Variants in SDK1 observed in about 807,000 individuals in gnomAD.
SDK1 encodes the protein sidekick cell adhesion molecule 1, also known as protein sidekick-1.
Under a neutral mutation model 245.5 loss-of-function variants are expected in SDK1, and 157 were observed. The observed-to-expected ratio is 0.64, with a 90% CI of 0.56 to 0.73. SDK1 has a LOEUF of 0.73. SDK1 is among the 30% of genes least tolerant of loss of function. The pLI is 0.00. For missense variants in SDK1, 3,583 were observed against 3,002.3 expected (o/e 1.19, Z -4.52); for synonymous variants, 1,647 against 1,278.5 (o/e 1.29, Z -6.15).
At chr7:3,373,301 T>C (rs1194132094) in intron 1 of SDK1, among the ~76,000 whole-genome samples, 1 of 152,212 alleles carries the variant, frequency 6.6e-6, no homozygotes, top group East Asian at 1.9e-4. Context: ...TATTGAACAC[T>C]AAGCGAAAGT....
intron 1 of SDK1, among the ~76,000 whole-genome samples, chr7:3,348,797 A>G (rs147737662): frequency 3.3e-5 from 5 of 152,260 alleles, no homozygotes; most frequent in Non-Finnish European, 7.3e-5. Flanking sequence ...AAAAAGTGCC[A>G]AGTACTATGC....
chr7:4,045,725 C>G (rs1788975312), intron 17 of SDK1, among the ~76,000 whole-genome samples: 3 of 152,136 alleles, frequency 2.0e-5, no homozygotes, highest in Admixed American at 2.0e-4. Flanking sequence ...CACTCCACAT[C>G]TTCACGGACA....
At chr7:3,599,301 T>A (rs1222515434) in intron 1 of SDK1, among the ~76,000 whole-genome samples, 1 of 152,142 alleles carries the variant, frequency 6.6e-6, no homozygotes, top group Non-Finnish European at 1.5e-5. Context: ...TATCTTTTGC[T>A]CATTTTCTAT....
chr7:3,842,902 C>T (rs1780193774), intron 5 of SDK1, among the ~76,000 whole-genome samples: 1 of 152,108 alleles, frequency 6.6e-6, no homozygotes, highest in Admixed American at 6.5e-5. Context: ...GCGTTCACCA[C>T]AATGGTCTCT....
intron 43 of SDK1, 85 bp from the exon 44 acceptor site, chr7:4,245,591 T>G: frequency 1.3e-6 from 2 of 1,518,362 alleles, no homozygotes; most frequent in Non-Finnish European, 1.8e-6. Flanking sequence ...TCCAACGCAA[T>G]AAAGGCCAAA....
intron 1 of SDK1, among the ~76,000 whole-genome samples, chr7:3,458,149 A>G (rs1255517152): frequency 6.8e-6 from 1 of 147,972 alleles, no homozygotes; most frequent in Admixed American, 6.7e-5. Flanking sequence ...TTGCATTGAT[A>G]TTCGTTGATG....
At chr7:3,616,240 G>A (rs1781767756) in intron 1 of SDK1, among the ~76,000 whole-genome samples, 1 of 152,066 alleles carries the variant, frequency 6.6e-6, no homozygotes. Flanking sequence ...CATATTGACA[G>A]TACTTTTTAC....
At chr7:4,109,491 C>T (rs940120624) in intron 22 of SDK1, among the ~76,000 whole-genome samples, 4 of 152,240 alleles carry the variant, frequency 2.6e-5, no homozygotes, top group Admixed American at 6.5e-5. Flanking sequence ...GTGTTAAATG[C>T]ACCAGGCCCC....
intron 1 of SDK1, among the ~76,000 whole-genome samples, chr7:3,582,440 C>A (rs1240273402): frequency 6.8e-6 from 1 of 146,702 alleles, no homozygotes; most frequent in Non-Finnish European, 1.5e-5. Context: ...GTAGGTCTGT[C>A]TCAGGTAGGT....
intron 1 of SDK1, among the ~76,000 whole-genome samples, chr7:3,613,026 G>A (rs1300871114): frequency 6.6e-6 from 1 of 152,094 alleles, no homozygotes; most frequent in African/African-American, 2.4e-5. Flanking sequence ...AATAGGTGAT[G>A]ATTATCCTAG....
At chr7:3,998,881 G>A (rs1784871178) in intron 14 of SDK1, among the ~76,000 whole-genome samples, 1 of 152,156 alleles carries the variant, frequency 6.6e-6, no homozygotes, top group South Asian at 2.1e-4. Flanking sequence ...TTTTGCAAGT[G>A]TGCCATCCAT....
chr7:3,387,382 G>A (rs6963043), intron 1 of SDK1, among the ~76,000 whole-genome samples: 12,346 of 152,164 alleles, frequency 0.081, 638 homozygotes, highest in African/African-American at 0.14. Context: ...CCTCCTTGTA[G>A]GAGCTCACCC....
chr7:3,676,535 C>T (rs756492362), intron 4 of SDK1, among the ~76,000 whole-genome samples: 8 of 151,958 alleles, frequency 5.3e-5, no homozygotes, highest in South Asian at 4.2e-4. Flanking sequence ...CCCTGTTAGC[C>T]GGGATGGTCT....
chr7:3,664,041 AG>A (rs61472270), intron 4 of SDK1, among the ~76,000 whole-genome samples: 43,232 of 151,710 alleles, frequency 0.28, 6,350 homozygotes, highest in South Asian at 0.45. Flanking sequence ...CCTTCACTCT[AG>A]TTTATTTTCC....
intron 35 of SDK1, among the ~76,000 whole-genome samples, chr7:4,182,999 C>T (rs1339890735): frequency 6.6e-6 from 1 of 152,198 alleles, no homozygotes; most frequent in Admixed American, 6.5e-5. Context: ...TGGTCAGTCT[C>T]CCTGAGGGCT....
At chr7:3,690,729 T>G (rs773137192) in intron 4 of SDK1, among the ~76,000 whole-genome samples, 1 of 152,228 alleles carries the variant, frequency 6.6e-6, no homozygotes, top group South Asian at 2.1e-4. Flanking sequence ...TATACTGATA[T>G]ATTTTTCAAG....
At chr7:3,344,131 CTG>C (rs920024819) in intron 1 of SDK1, among the ~76,000 whole-genome samples, 3 of 151,590 alleles carry the variant, frequency 2.0e-5, no homozygotes, top group African/African-American at 4.9e-5. Context: ...ACAGTGAAAA[CTG>C]TGTGCAGGGG....
intron 44 of SDK1, among the ~76,000 whole-genome samples, chr7:4,247,848 C>A (rs1489504218): frequency 6.6e-6 from 1 of 152,130 alleles, no homozygotes; most frequent in African/African-American, 2.4e-5. Flanking sequence ...CCCAGCCAGA[C>A]CCCCGTGTCT....
chr7:4,089,936 C>T (rs1001323903), intron 22 of SDK1, among the ~76,000 whole-genome samples: 3 of 152,186 alleles, frequency 2.0e-5, no homozygotes, highest in Admixed American at 6.5e-5. Flanking sequence ...TCAGTTATTT[C>T]TTGACTTCTG....
Sources: allele counts gnomAD v4.1 joint callset (sites outside exome capture counted in the v4.1 genomes callset), GRCh38; gene constraint gnomAD v4.1.1; transcripts MANE v1.5; gene names NCBI Gene and HGNC (gene_info 2026-07-23, HGNC 2026-07-21).